The following UNC5C variants were observed in gnomAD, a reference collection of about 807,000 sequenced individuals.
UNC5C encodes netrin receptor UNC5C.
Under a neutral mutation model 99.8 loss-of-function variants are expected in UNC5C, and 47 were observed. The observed-to-expected ratio is 0.47, with a 90% CI of 0.37 to 0.60. The LOEUF is 0.60. UNC5C is among the 20% of genes least tolerant of loss of function. The pLI, the probability that UNC5C is intolerant of heterozygous loss-of-function variation, is 0.00. For synonymous variants in UNC5C, 487 were observed against 452.2 expected (o/e 1.08, Z -0.98); for missense variants, 1,062 against 1,165.9 (o/e 0.91, Z 1.30).
intron 1 of UNC5C, among the ~76,000 whole-genome samples, chr4:95,408,124 C>A (rs988988558): frequency 7.9e-5 from 12 of 152,098 alleles, no homozygotes; most frequent in African/African-American, 2.9e-4. Flanking sequence ...TAAATACATT[C>A]ATTTTAAAAT....
intron 1 of UNC5C, among the ~76,000 whole-genome samples, chr4:95,514,670 CAT>C (rs1397488226): frequency 1.3e-5 from 2 of 148,422 alleles, no homozygotes; most frequent in African/African-American, 2.5e-5. Flanking sequence ...CATATATACA[CAT>C]ATATATATAT....
At chr4:95,366,790 GC>G (rs1744586012) in intron 1 of UNC5C, among the ~76,000 whole-genome samples, 1 of 152,102 alleles carries the variant, frequency 6.6e-6, no homozygotes, top group Non-Finnish European at 1.5e-5. Context: ...CATTAAAACA[GC>G]AGAGCTAAAC....
At position 95,465,926 on chromosome 4, in the gene UNC5C, T is replaced by C. The variant is rs186927785; in HGVS notation, c.124+82808A>G. 5.3e-5 allele frequency among the ~76,000 whole-genome samples: 8 copies of C among 152,252 alleles called. No homozygotes were observed. In the East Asian group the frequency reaches 1.4e-3, roughly 26 times the overall value. ...GCTTTTCTTTGCCATACTTTGACTG[T>C]AGAGATTTTCTGCCCATTATCTTAC... On this transcript the variant is annotated intron_variant, in intron 1 of 15. Transcript: ENST00000453304.
At chr4:95,333,164 G>A (rs1352475173) in intron 2 of UNC5C, among the ~76,000 whole-genome samples, 2 of 152,060 alleles carry the variant, frequency 1.3e-5, no homozygotes, top group Admixed American at 1.3e-4. Context: ...TCAGTGTGGC[G>A]ATTCCTCAGG....
At chr4:95,306,746 G>A in intron 2 of UNC5C, among the ~76,000 whole-genome samples, 1 of 152,186 alleles carries the variant, frequency 6.6e-6, no homozygotes, top group Admixed American at 6.5e-5. Flanking sequence ...TGCAGGCCTG[G>A]CAATTTGGCT....
intron 7 of UNC5C, among the ~76,000 whole-genome samples, chr4:95,221,492 C>G (rs1477297831): frequency 6.6e-6 from 1 of 152,176 alleles, no homozygotes; most frequent in African/African-American, 2.4e-5. Flanking sequence ...AACCCACACT[C>G]TAATGTCATG....
At chr4:95,500,798 G>C (rs1465897656) in intron 1 of UNC5C, among the ~76,000 whole-genome samples, 1 of 152,110 alleles carries the variant, frequency 6.6e-6, no homozygotes, top group African/African-American at 2.4e-5. Context: ...ATGCTAGAGA[G>C]CAATTTTCAT....
chr4:95,201,297 C>T (rs994553334), intron 12 of UNC5C, among the ~76,000 whole-genome samples: 5 of 152,074 alleles, frequency 3.3e-5, no homozygotes, highest in South Asian at 2.1e-4. Context: ...ATCCATTGAG[C>T]GCTCGTCATG....
At chr4:95,243,249 T>A (rs996492671) in intron 6 of UNC5C, among the ~76,000 whole-genome samples, 1 of 152,200 alleles carries the variant, frequency 6.6e-6, no homozygotes, top group African/African-American at 2.4e-5. Flanking sequence ...TTAAAAAATT[T>A]TAGGTAAGTC....
intron 1 of UNC5C, among the ~76,000 whole-genome samples, chr4:95,354,085 T>C (rs1272913675): frequency 6.6e-6 from 1 of 152,162 alleles, no homozygotes; most frequent in Non-Finnish European, 1.5e-5. Flanking sequence ...AACGAAGTTC[T>C]ACTCATTGTA....
At chr4:95,324,471 T>A (rs1742814343) in intron 2 of UNC5C, among the ~76,000 whole-genome samples, 5 of 152,148 alleles carry the variant, frequency 3.3e-5, no homozygotes, top group Admixed American at 3.3e-4. Flanking sequence ...GCACAATAAA[T>A]GTAATGTACT....
intron 3 of UNC5C, among the ~76,000 whole-genome samples, chr4:95,299,658 G>C (rs1418554930): frequency 1.3e-5 from 2 of 152,144 alleles, no homozygotes; most frequent in Admixed American, 6.5e-5. Context: ...GAAGATGAAG[G>C]AAGAGCAAGG....
chr4:95,290,718 A>G (rs1387934285), intron 3 of UNC5C, among the ~76,000 whole-genome samples: 1 of 152,246 alleles, frequency 6.6e-6, no homozygotes, highest in African/African-American at 2.4e-5. Flanking sequence ...TAGGACAGAG[A>G]CTAAAGAAGA....
At chr4:95,319,169 T>A (rs187039969) in intron 2 of UNC5C, among the ~76,000 whole-genome samples, 143 of 152,344 alleles carry the variant, frequency 9.4e-4, no homozygotes, top group Admixed American at 5.0e-3. Flanking sequence ...CAAGCCTGGT[T>A]GTACATTAGC....
intron 1 of UNC5C, among the ~76,000 whole-genome samples, chr4:95,534,547 A>C (rs1174826720): frequency 2.6e-5 from 4 of 152,182 alleles, no homozygotes; most frequent in African/African-American, 9.6e-5. Context: ...TTACTTAAGC[A>C]ACAGTACACT....
chr4:95,186,248 AAAG>A (rs151337525), intron 12 of UNC5C, among the ~76,000 whole-genome samples: 4,329 of 152,282 alleles, frequency 0.028, 65 homozygotes, highest in Middle Eastern at 0.068. Context: ...TTTTAGAAAA[AAAG>A]CAAAATATAA....
In UNC5C at chr4:95,522,924, G is replaced by A. The variant is rs150265659; in HGVS notation, c.124+25810C>T. Among the ~76,000 whole-genome samples the A allele has an allele frequency of 5.6e-4, 85 of 152,178 alleles. No homozygotes were observed. In the East Asian group the frequency reaches 7.8e-3, roughly 14 times the overall value. ...GGGACCAGAGCAAAGCACAAGAAAC[G>A]AAAGTGCCCCACAGTTGCAGGCACA... On this transcript the variant is annotated intron_variant, in intron 1 of 15. Coordinates refer to ENST00000453304, the MANE Select transcript of UNC5C (RefSeq NM_003728.4).
At chr4:95,481,483 T>G (rs1721152458) in intron 1 of UNC5C, among the ~76,000 whole-genome samples, 1 of 151,974 alleles carries the variant, frequency 6.6e-6, no homozygotes, top group African/African-American at 2.4e-5. Flanking sequence ...TACCAATGAC[T>G]TTCTTCACAG....
intron 14 of UNC5C, among the ~76,000 whole-genome samples, 161 bp from the exon 15 acceptor site, chr4:95,170,493 A>G (rs1736053284): frequency 6.6e-6 from 1 of 152,212 alleles, no homozygotes; most frequent in Admixed American, 6.5e-5. Context: ...AAAGTTGTGC[A>G]TCACTAGATG....
Sources: gnomAD v4.1 joint callset for allele counts (sites outside exome capture counted in the v4.1 genomes callset) on GRCh38, gnomAD v4.1.1 for gene constraint, MANE v1.5 for transcripts, NCBI Gene and HGNC (gene_info 2026-07-23, HGNC 2026-07-21) for gene names.